Variants in WIPF3 observed in about 807,000 individuals in gnomAD.
WIPF3 encodes the protein WAS/WASL-interacting protein family member 3.
WIPF3 carries 33 observed loss-of-function variants against 38.9 expected under a neutral mutation model. That is an observed-to-expected ratio of 0.85 (90% CI 0.64 to 1.14). The LOEUF (loss-of-function observed/expected upper bound fraction) is 1.14. Among genes scored for constraint, WIPF3 ranks in the 50% most tolerant of loss-of-function variants. The pLI is 0.00. For synonymous variants in WIPF3, 324 were observed against 269.3 expected, an observed-to-expected ratio of 1.20 and a Z score of -1.99; for missense variants, 711 against 652.5, an observed-to-expected ratio of 1.09 and a Z score of -0.98.
chr7:29,845,174 T>C (rs1470335974), intron 2 of WIPF3, among the ~76,000 whole-genome samples: 2 of 152,024 alleles, frequency 1.3e-5, no homozygotes, highest in African/African-American at 4.8e-5. Flanking sequence ...GAGATTCTGA[T>C]AGAGAATCAG....
intron 2 of WIPF3, among the ~76,000 whole-genome samples, chr7:29,835,050 A>T (rs934038720): frequency 6.6e-6 from 1 of 151,544 alleles, no homozygotes; most frequent in Non-Finnish European, 1.5e-5. Context: ...ACTGATGTCT[A>T]CCTCATTTCT....
intron 5 of WIPF3, among the ~76,000 whole-genome samples, chr7:29,885,624 A>G (rs998376415): frequency 2.6e-5 from 4 of 152,184 alleles, no homozygotes; most frequent in African/African-American, 9.7e-5. Flanking sequence ...CAGCCTGGGT[A>G]ACACAGCGAA....
chr7:29,818,595 C>T (rs1020254715), intron 1 of WIPF3, among the ~76,000 whole-genome samples: 2 of 147,998 alleles, frequency 1.4e-5, no homozygotes, highest in African/African-American at 2.5e-5. Flanking sequence ...ATAATTTTTC[C>T]GTGGAGTCTG....
intron 2 of WIPF3, among the ~76,000 whole-genome samples, chr7:29,845,923 C>A (rs936062238): frequency 2.0e-5 from 3 of 152,162 alleles, no homozygotes; most frequent in Non-Finnish European, 4.4e-5. Context: ...TTCCATTTGC[C>A]GTGAGCCTAA....
rs949669666 is a variant in WIPF3, at chr7:29,915,760, T to C, written c.*1244T>C. ...GCTGCCTGACCCCTGATGTTCCCCA[T>C]CTTTGGTCGGGGAAGACTGTGACAG... is the stretch of plus-strand genomic sequence containing the variant. On this transcript the variant is annotated 3_prime_UTR_variant, in exon 9 of 9. Transcript: ENST00000242140. 2.6e-5 allele frequency: 4 copies of C among 152,334 alleles called. No individual in the cohort carries two copies. The highest frequency in any genetic ancestry group is 1.9e-4 in the East Asian group (1 of 5,206). The allele number at this position is 152,334 out of a possible 1,614,324, so 9.4% of individuals were successfully genotyped here.
intron 8 of WIPF3, chr7:29,912,699 C>G (rs1440399382): frequency 6.2e-6 from 1 of 162,070 alleles, no homozygotes; most frequent in East Asian, 1.6e-4. Context: ...AATGGATAAA[C>G]AAAATGTGAT....
At chr7:29,836,305 A>C (rs1477267810) in intron 2 of WIPF3, among the ~76,000 whole-genome samples, 1 of 152,224 alleles carries the variant, frequency 6.6e-6, no homozygotes, top group Non-Finnish European at 1.5e-5. Flanking sequence ...GCAAATACTG[A>C]CGTACCCATA....
In WIPF3 at chr7:29,884,064, T is replaced by A; in HGVS notation, c.570T>A (p.Leu190=). The part of the protein sequence containing the change: ...PPPPPPLPPP[L]PSSSPIKTPL... ...CGCCTCCACCCTTACCCCCGCCCCT[T>A]CCCTCTTCCTCCCCCATCAAAACTC... The change falls in exon 5 of 9, where the codon CTT becomes CTA. Residue 190 remains leucine, a synonymous_variant. Coordinates refer to ENST00000242140, the MANE Select transcript of WIPF3 (RefSeq NM_001080529.3). The A allele has an allele frequency of 1.1e-6, 1 of 929,424 alleles. No individual in the cohort carries two copies. The highest frequency in any genetic ancestry group is 1.3e-6 in the Non-Finnish European group (1 of 782,408). 57.6% of individuals were successfully genotyped at this position (929,424 alleles called of 1,614,324 possible).
At chr7:29,889,817 C>G (rs1044729697) in intron 7 of WIPF3, among the ~76,000 whole-genome samples, 1 of 152,170 alleles carries the variant, frequency 6.6e-6, no homozygotes, top group Non-Finnish European at 1.5e-5. Context: ...GTCCTCAGGT[C>G]AATGGTTCTC....
At chr7:29,881,325 TG>T (rs1583616874) in intron 4 of WIPF3, among the ~76,000 whole-genome samples, 1 of 152,350 alleles carries the variant, frequency 6.6e-6, no homozygotes, top group East Asian at 1.9e-4. Context: ...GACTATGTTT[TG>T]TTCATTGCCA....
rs561839848 is a variant in WIPF3, at chr7:29,823,261, C to G, written c.-57-11407C>G. On this transcript the variant is annotated intron_variant, in intron 1 of 8. Coordinates refer to ENST00000242140, the MANE Select transcript of WIPF3 (RefSeq NM_001080529.3). This position sits in a 1 kb window ranked among gnomAD's most constrained non-coding sequence, Gnocchi z 4.0. ...AGTGTGCACTGTAAGCTTTGAGAACCCAACATTCATTTTTTTTTTAGATGG... is the reference window on the plus strand; with the variant it reads ...AGTGTGCACTGTAAGCTTTGAGAACGCAACATTCATTTTTTTTTTAGATGG... Among the ~76,000 whole-genome samples, 1 of 152,140 alleles carries G rather than the reference C, an allele frequency of 6.6e-6. No homozygotes were observed. Among genetic ancestry groups the G allele is most frequent in the South Asian group, 2.1e-4 (1 of 4,818 alleles).
intron 8 of WIPF3, among the ~76,000 whole-genome samples, chr7:29,909,895 C>G (rs199791634): frequency 1.0e-5 from 1 of 99,506 alleles, no homozygotes; most frequent in Admixed American, 1.1e-4. Flanking sequence ...AACCCTGTCT[C>G]AAAAAAAAAA....
At chr7:29,832,175 C>T (rs1339754220) in intron 1 of WIPF3, among the ~76,000 whole-genome samples, 1 of 152,158 alleles carries the variant, frequency 6.6e-6, no homozygotes, top group East Asian at 1.9e-4. Context: ...AATACTTCAA[C>T]CAACTCTTTA....
At chr7:29,907,506 G>A (rs1786420940) in intron 8 of WIPF3, among the ~76,000 whole-genome samples, 1 of 152,198 alleles carries the variant, frequency 6.6e-6, no homozygotes, top group African/African-American at 2.4e-5. Flanking sequence ...GTCCCTCAAA[G>A]TTCATATGCC....
chr7:29,903,553 C>A (rs942358245), intron 7 of WIPF3, among the ~76,000 whole-genome samples: 1 of 152,096 alleles, frequency 6.6e-6, no homozygotes, highest in Non-Finnish European at 1.5e-5. Context: ...GATAGGTGTC[C>A]TACCAGTGCA....
At chr7:29,854,190 C>A (rs1258192081) in intron 2 of WIPF3, among the ~76,000 whole-genome samples, 1 of 152,174 alleles carries the variant, frequency 6.6e-6, no homozygotes, top group Non-Finnish European at 1.5e-5. Flanking sequence ...ACACCAAAGC[C>A]TCATGTTACA....
intron 2 of WIPF3, among the ~76,000 whole-genome samples, chr7:29,836,321 A>G (rs185429887): frequency 8.5e-4 from 129 of 152,368 alleles, no homozygotes; most frequent in African/African-American, 2.9e-3. Flanking sequence ...CCATAAATTT[A>G]GCCAGAATAA....
At chr7:29,909,311 A>G (rs928300217) in intron 8 of WIPF3, among the ~76,000 whole-genome samples, 3 of 152,192 alleles carry the variant, frequency 2.0e-5, no homozygotes. Flanking sequence ...AACAGAGATC[A>G]ATGAAATAGA....
chr7:29,907,565 GA>G (rs1786422235), intron 8 of WIPF3, among the ~76,000 whole-genome samples: 1 of 152,128 alleles, frequency 6.6e-6, no homozygotes, highest in South Asian at 2.1e-4. Flanking sequence ...GGCCTTTGGG[GA>G]GGTGATAAAC....
Sources: gnomAD v4.1 joint callset for allele counts (sites outside exome capture counted in the v4.1 genomes callset) on GRCh38, gnomAD v4.1.1 for gene constraint, Gnocchi (gnomAD v3.1) non-coding constraint, MANE v1.5 for transcripts, NCBI Gene and HGNC (gene_info 2026-07-23, HGNC 2026-07-21) for gene names.